The following PPP2R2A variants were observed in gnomAD, a reference collection of about 807,000 sequenced individuals.
PPP2R2A encodes protein phosphatase 2 regulatory subunit Balpha.
Under a neutral mutation model 53.2 loss-of-function variants are expected in PPP2R2A, and 9 were observed. The ratio of observed to expected loss-of-function variants is 0.17; its 90% CI spans 0.10 to 0.30. The LOEUF is 0.30. Among genes scored for constraint, PPP2R2A ranks in the 10% least tolerant of loss-of-function variants. The pLI is 1.00. For synonymous variants in PPP2R2A, 169 were observed against 174.2 expected (o/e 0.97, Z 0.23); for missense variants, 235 against 534.6 (o/e 0.44, Z 5.53).
chr8:26,324,234 C>T (rs994284906), intron 2 of PPP2R2A, among the ~76,000 whole-genome samples: 8 of 152,204 alleles, frequency 5.3e-5, no homozygotes, highest in Non-Finnish European at 1.0e-4. Flanking sequence ...GACCACCCTA[C>T]CTGAAATAGT....
At chr8:26,297,572 C>G (rs907222336) in intron 2 of PPP2R2A, among the ~76,000 whole-genome samples, 1 of 152,154 alleles carries the variant, frequency 6.6e-6, no homozygotes, top group Admixed American at 6.5e-5. Context: ...GTTAAGAGCA[C>G]AGACTCAGGT....
chr8:26,318,224 C>T (rs966699094), intron 2 of PPP2R2A, among the ~76,000 whole-genome samples: 1 of 152,158 alleles, frequency 6.6e-6, no homozygotes, highest in Admixed American at 6.5e-5. Flanking sequence ...TTTCCTTCCT[C>T]CTTCCAGTGT....
intron 3 of PPP2R2A, among the ~76,000 whole-genome samples, chr8:26,342,109 A>C (rs1468617329): frequency 6.6e-6 from 1 of 152,172 alleles, no homozygotes; most frequent in Non-Finnish European, 1.5e-5. Context: ...TGTTATAACT[A>C]ATATATTTGT....
intron 2 of PPP2R2A, among the ~76,000 whole-genome samples, chr8:26,329,771 A>G (rs564229878): frequency 3.3e-5 from 5 of 152,318 alleles, no homozygotes; most frequent in Admixed American, 1.3e-4. Flanking sequence ...AGAGGCCACG[A>G]CTTTTAGTAC....
chr8:26,354,599 GA>G lies in PPP2R2A; in HGVS notation c.317del (p.Asn106MetfsTer14). 1 of 1,605,968 alleles carries G rather than the reference GA, an allele frequency of 6.2e-7. No individual in the cohort carries two copies. Among genetic ancestry groups the G allele is most frequent in the Non-Finnish European group, 8.5e-7 (1 of 1,176,530 alleles). ...KINKIRWLPQKNAAQFLLSTN... is the reference protein window; with the variant it reads ...KINKIRWLPQXNAAQFLLSTN... ...TCAACAAAATTAGGTGGTTACCCCAGAAAAATGCTGCTCAGTTTTTATTGTC... is the reference window on the plus strand; with the variant it reads ...TCAACAAAATTAGGTGGTTACCCCAGAAAATGCTGCTCAGTTTTTATTGTC... On this transcript the variant is annotated frameshift_variant, in exon 4 of 10. Transcript: ENST00000380737. LOFTEE classifies it high-confidence loss of function. The surrounding 1 kb of genome is among the most constrained non-coding windows in gnomAD (Gnocchi z 4.6).
intron 8 of PPP2R2A, chr8:26,365,238 A>G (rs772458713): frequency 3.9e-5 from 6 of 152,174 alleles, no homozygotes; most frequent in Non-Finnish European, 8.8e-5. Flanking sequence ...AGATAAAACT[A>G]TTTTTATTGA....
At chr8:26,323,152 A>C (rs1021721454) in intron 2 of PPP2R2A, among the ~76,000 whole-genome samples, 1 of 152,218 alleles carries the variant, frequency 6.6e-6, no homozygotes, top group African/African-American at 2.4e-5. Context: ...CTAGGAAATC[A>C]CATTTAAGTG....
At chr8:26,298,914 T>A (rs1801659648) in intron 2 of PPP2R2A, among the ~76,000 whole-genome samples, 1 of 152,248 alleles carries the variant, frequency 6.6e-6, no homozygotes, top group Non-Finnish European at 1.5e-5. Context: ...TAAATTTTAC[T>A]TGTGGAAATA....
chr8:26,311,613 GCA>G (rs1802293792), intron 2 of PPP2R2A, among the ~76,000 whole-genome samples: 1 of 152,162 alleles, frequency 6.6e-6, no homozygotes. Context: ...AAGCTGTTGT[GCA>G]CAGTGATCAT....
Position 26,371,710 on chromosome 8 carries a change from CAA to C in PPP2R2A, c.*1299_*1300del, listed in dbSNP as rs1805673673. On this transcript the variant is annotated 3_prime_UTR_variant, in exon 10 of 10. Coordinates refer to ENST00000380737, the MANE Select transcript of PPP2R2A (RefSeq NM_002717.4). ...TGGTTTTCCAAAGCTATATGAAAGA[CAA>C]ATTTTTAAAGGTACAGCGTTCAAAA... The C allele has an allele frequency of 6.6e-6, 1 of 152,082 alleles. No individual in the cohort carries two copies. The highest frequency in any genetic ancestry group is 1.5e-5 in the Non-Finnish European group (1 of 68,004). 9.4% of individuals were successfully genotyped at this position (152,082 alleles called of 1,614,324 possible).
intron 3 of PPP2R2A, among the ~76,000 whole-genome samples, chr8:26,345,731 A>G (rs990645009): frequency 6.6e-6 from 1 of 152,180 alleles, no homozygotes; most frequent in African/African-American, 2.4e-5. Flanking sequence ...CTCTTTCTAA[A>G]AAAAGAAAAG....
intron 2 of PPP2R2A, among the ~76,000 whole-genome samples, chr8:26,334,333 A>G (rs1803541917): frequency 6.6e-6 from 1 of 152,200 alleles, no homozygotes; most frequent in South Asian, 2.1e-4. Flanking sequence ...AAGTATGCAC[A>G]AATTCGGTAT....
At chr8:26,340,410 C>T (rs952494723) in intron 3 of PPP2R2A, among the ~76,000 whole-genome samples, 2 of 151,956 alleles carry the variant, frequency 1.3e-5, no homozygotes, top group African/African-American at 4.8e-5. Flanking sequence ...AGCAGACCTT[C>T]CCATAGGTGT....
intron 9 of PPP2R2A, among the ~76,000 whole-genome samples, chr8:26,368,924 G>T (rs1409168825): frequency 6.6e-6 from 1 of 151,980 alleles, no homozygotes; most frequent in Non-Finnish European, 1.5e-5. Context: ...GGCTAACGTG[G>T]TGAAACCCTG....
chr8:26,295,453 A>G (rs1335517385), intron 2 of PPP2R2A, among the ~76,000 whole-genome samples: 1 of 152,246 alleles, frequency 6.6e-6, no homozygotes, highest in Non-Finnish European at 1.5e-5. Flanking sequence ...AAAGAAAGCA[A>G]CTTATAACAA....
chr8:26,360,758 T>G lies in PPP2R2A; in HGVS notation c.460-216T>G. The G allele has an allele frequency of 2.1e-6, 1 of 484,722 alleles. No individual in the cohort carries two copies. The highest frequency in any genetic ancestry group is 5.3e-4 in the Middle Eastern group (1 of 1,892). 30.0% of individuals were successfully genotyped at this position (484,722 alleles called of 1,614,324 possible). A position where few individuals can be genotyped will look rare whatever the true frequency, so the allele number is the denominator to read the frequency against. On this transcript the variant is annotated intron_variant, in intron 5 of 9. Coordinates refer to ENST00000380737, the MANE Select transcript of PPP2R2A (RefSeq NM_002717.4). This position sits in a 1 kb window ranked among gnomAD's most constrained non-coding sequence, Gnocchi z 4.5. ...AACTAAGAACTGCAAATTCTAATAG[T>G]ATTGCAACCAGTAAAAGAAGATATA...
intron 3 of PPP2R2A, among the ~76,000 whole-genome samples, chr8:26,339,251 A>G (rs965901776): frequency 6.6e-6 from 1 of 152,188 alleles, no homozygotes; most frequent in Non-Finnish European, 1.5e-5. Flanking sequence ...AAGTGATGGA[A>G]TAATCCAAGA....
chr8:26,336,423 C>T (rs1803663375), intron 2 of PPP2R2A, among the ~76,000 whole-genome samples: 1 of 151,868 alleles, frequency 6.6e-6, no homozygotes, highest in Non-Finnish European at 1.5e-5. Context: ...AGCGAAACCC[C>T]ATCTCAAAAA....
At chr8:26,293,373 C>A in intron 1 of PPP2R2A, 3 of 1,158,906 alleles carry the variant, frequency 2.6e-6, no homozygotes, top group South Asian at 1.4e-5. Flanking sequence ...TCTGGTAGGT[C>A]TTGCCTGAAT....
Sources: gnomAD v4.1 joint callset for allele counts (sites outside exome capture counted in the v4.1 genomes callset) on GRCh38, gnomAD v4.1.1 for gene constraint, Gnocchi (gnomAD v3.1) non-coding constraint, MANE v1.5 for transcripts, NCBI Gene and HGNC (gene_info 2026-07-23, HGNC 2026-07-21) for gene names.